OR7C1: variants seen among roughly 807,000 people sequenced by gnomAD.
OR7C1 encodes the protein olfactory receptor 7C1.
For synonymous variants in OR7C1, 152 were observed against 160.7 expected, an observed-to-expected ratio of 0.95 and a Z score of 0.41; for missense variants, 324 against 383.3, an observed-to-expected ratio of 0.85 and a Z score of 1.29.
chr19:14,834,477 C>T lies in OR7C1; in HGVS notation c.-623+597G>A, dbSNP rs116379159. Among the ~76,000 whole-genome samples the T allele has an allele frequency of 4.5e-3, 683 of 152,210 alleles. 7 individuals carry two copies. Among genetic ancestry groups the T allele is most frequent in the African/African-American group, 0.016 (653 of 41,518 alleles). ...AACAACACACAAATATATTCAGCCA[C>T]GCAAGTGAGGAAATAAATGCAAGTA... On this transcript the variant is annotated intron_variant, in intron 1 of 4. Transcript: ENST00000641666.
At chr19:14,818,146 G>A (rs2044724993) in intron 1 of OR7C1, among the ~76,000 whole-genome samples, 1 of 151,598 alleles carries the variant, frequency 6.6e-6, no homozygotes, top group Admixed American at 6.6e-5. Context: ...CTGGAGCGCA[G>A]TAGTGGCACG....
intron 1 of OR7C1, among the ~76,000 whole-genome samples, chr19:14,810,959 A>G (rs2044688420): frequency 1.3e-5 from 2 of 151,706 alleles, no homozygotes; most frequent in Non-Finnish European, 2.9e-5. Context: ...CCCAATGGGA[A>G]GGAATTTGGA....
At chr19:14,824,433 G>A (rs368337078) in intron 1 of OR7C1, 12 of 152,242 alleles carry the variant, frequency 7.9e-5, no homozygotes, top group African/African-American at 2.9e-4. Flanking sequence ...ATGTCCGTGT[G>A]TACCCAATGT....
intron 1 of OR7C1, chr19:14,828,237 T>G (rs1376909022): frequency 6.2e-7 from 1 of 1,608,396 alleles, no homozygotes; most frequent in South Asian, 1.1e-5. Flanking sequence ...ATTTCCTGGT[T>G]CCATTTGATT....
At chr19:14,798,853 C>A (rs1254743853) in exon 5 of OR7C1, 3 of 215,146 alleles carry the variant, frequency 1.4e-5, no homozygotes, top group Non-Finnish European at 2.7e-5. Flanking sequence ...CATGACTGGT[C>A]CCCAGCTAGC....
intron 1 of OR7C1, among the ~76,000 whole-genome samples, chr19:14,820,605 A>T (rs1277479557): frequency 6.6e-6 from 1 of 152,236 alleles, no homozygotes; most frequent in African/African-American, 2.4e-5. Flanking sequence ...ATGTAGACGT[A>T]CAACTTTTTG....
chr19:14,828,569 G>C lies in OR7C1; in HGVS notation c.-623+6505C>G, dbSNP rs576609643. Reference sequence around the variant, plus strand: ...AGGTCAAGAGGTTGAGACCATCCTGGCCAACATGGTGAAACCCTGTCTCTA... The same window carrying C: ...AGGTCAAGAGGTTGAGACCATCCTGCCCAACATGGTGAAACCCTGTCTCTA... On this transcript the variant is annotated intron_variant, in intron 1 of 4. Coordinates refer to ENST00000641666, the Ensembl canonical transcript of OR7C1. Among the ~76,000 whole-genome samples the C allele has an allele frequency of 9.9e-4, 150 of 151,916 alleles. 2 individuals carry two copies. In the South Asian group the frequency reaches 0.029, roughly 30 times the overall value.
At chr19:14,815,416 T>C (rs182147473) in intron 1 of OR7C1, among the ~76,000 whole-genome samples, 1 of 152,324 alleles carries the variant, frequency 6.6e-6, no homozygotes, top group African/African-American at 2.4e-5. Flanking sequence ...TCTCCTCCTA[T>C]AACCTGTTGA....
chr19:14,799,760 A>G, exon 5 of OR7C1: 2 of 1,614,106 alleles, frequency 1.2e-6, no homozygotes, highest in East Asian at 2.2e-5. Context: ...GGGGTGACAG[A>G]CGGCCACGAA....
chr19:14,817,658 G>A (rs1599919329), intron 1 of OR7C1, among the ~76,000 whole-genome samples: 1 of 152,168 alleles, frequency 6.6e-6, no homozygotes, highest in East Asian at 1.9e-4. Flanking sequence ...TTAGGCCAGC[G>A]CCAAGAGGTT....
intron 1 of OR7C1, among the ~76,000 whole-genome samples, chr19:14,818,158 TCTCGGCTCACTGC>T (rs2044725106): frequency 6.6e-6 from 1 of 151,920 alleles, no homozygotes; most frequent in Admixed American, 6.6e-5. Context: ...AGTGGCACGA[TCTCGGCTCACTGC>T]AAGCTCCGCC....
intron 1 of OR7C1, among the ~76,000 whole-genome samples, chr19:14,829,023 G>T (rs2044804957): frequency 6.6e-6 from 1 of 151,834 alleles, no homozygotes. Flanking sequence ...AAGGAGGGAG[G>T]GTATGAAGTG....
At chr19:14,809,146 CCTTAAACTCA>C (rs1485590707) in intron 2 of OR7C1, among the ~76,000 whole-genome samples, 7 of 152,026 alleles carry the variant, frequency 4.6e-5, no homozygotes, top group African/African-American at 1.5e-4. Context: ...TCTGAGATCT[CCTTAAACTCA>C]CTGTTGTGCT....
Position 14,809,326 on chromosome 19 carries a change from C to T in OR7C1, c.-435+480G>A, listed in dbSNP as rs1010302261. Among the ~76,000 whole-genome samples the T allele has an allele frequency of 4.0e-5, 6 of 151,840 alleles. 1 individual carries two copies. The highest frequency in any genetic ancestry group is 1.3e-4 in the Admixed American group (2 of 15,254). The stretch of plus-strand genomic sequence containing the variant: ...GGAGATGGTAAAGTTGAAATAGAGC[C>T]GAATCCTGAGGCTTGCACATACGTA... On this transcript the variant is annotated intron_variant, in intron 2 of 4. Coordinates refer to ENST00000641666, the Ensembl canonical transcript of OR7C1.
intron 1 of OR7C1, among the ~76,000 whole-genome samples, chr19:14,831,777 A>C (rs1172294930): frequency 2.0e-5 from 3 of 151,534 alleles, no homozygotes; most frequent in Non-Finnish European, 4.4e-5. Context: ...GTGGACTTTG[A>C]ATTTTGATCA....
At chr19:14,824,046 C>A (rs2044753747) in intron 1 of OR7C1, among the ~76,000 whole-genome samples, 1 of 152,034 alleles carries the variant, frequency 6.6e-6, no homozygotes, top group Non-Finnish European at 1.5e-5. Context: ...CTCTGATTCA[C>A]ATGAATAATA....
chr19:14,809,109 A>C (rs1434384515), intron 2 of OR7C1, among the ~76,000 whole-genome samples: 4 of 151,974 alleles, frequency 2.6e-5, no homozygotes, highest in Non-Finnish European at 4.4e-5. Flanking sequence ...AATTTGACCC[A>C]TTGTATCTCT....
In OR7C1 at chr19:14,800,283, A is replaced by T; in HGVS notation, c.-41T>A. 1.1e-6 allele frequency: 1 copy of T among 884,868 alleles called. No homozygotes were observed. Among genetic ancestry groups the T allele is most frequent in the Non-Finnish European group, 1.7e-6 (1 of 593,394 alleles). The allele number at this position is 884,868 out of a possible 1,614,324, so 54.8% of individuals were successfully genotyped here. On this transcript the variant is annotated 5_prime_UTR_variant, in exon 4 of 5. The change abolishes an upstream ATG in the 5' untranslated region. Coordinates refer to ENST00000641666, the Ensembl canonical transcript of OR7C1. ...TTTTCTTGCTGTCTTTTTCTGGGGC[A>T]TCTGAAATTCTTCCATCCTTTTCTT... is the stretch of plus-strand genomic sequence containing the variant.
At chr19:14,824,875 G>T (rs1289774016) in intron 1 of OR7C1, 1 of 152,176 alleles carries the variant, frequency 6.6e-6, no homozygotes, top group Non-Finnish European at 1.5e-5. Flanking sequence ...CATGAAATAA[G>T]CCAGAGAGAG....
Sources: allele counts gnomAD v4.1 joint callset (sites outside exome capture counted in the v4.1 genomes callset), GRCh38; gene constraint gnomAD v4.1.1; transcripts MANE v1.5; gene names NCBI Gene and HGNC (gene_info 2026-07-23, HGNC 2026-07-21).